MEMO1: variants seen among roughly 807,000 people sequenced by gnomAD.
MEMO1 encodes the protein protein MEMO1.
Under a neutral mutation model 45.2 loss-of-function variants are expected in MEMO1, and 6 were observed. That is an observed-to-expected ratio of 0.13 (90% CI 0.07 to 0.26). The LOEUF is 0.26. Ranked by LOEUF, MEMO1 falls within the 10% of genes least tolerant of loss-of-function variation. MEMO1 has a pLI of 1.00. For missense variants in MEMO1, 184 were observed against 370.5 expected (o/e 0.50, Z 4.13); for synonymous variants, 78 against 124.3 (o/e 0.63, Z 2.48).
chr2:31,943,491 T>A (rs1056839032), intron 2 of MEMO1, 108 bp from the exon 3 acceptor site: 19 of 784,864 alleles, frequency 2.4e-5, no homozygotes, highest in Non-Finnish European at 4.3e-5. Context: ...ACTAGCTTAA[T>A]GCGCAATAGG....
intron 2 of MEMO1, among the ~76,000 whole-genome samples, chr2:31,997,789 G>A (rs1264845251): frequency 6.6e-6 from 1 of 152,156 alleles, no homozygotes; most frequent in Non-Finnish European, 1.5e-5. Context: ...TGTAATTGGG[G>A]GAGGGGAGAT....
intron 2 of MEMO1, among the ~76,000 whole-genome samples, chr2:31,971,883 T>C (rs1182513207): frequency 1.3e-5 from 2 of 152,104 alleles, no homozygotes; most frequent in East Asian, 1.9e-4. Context: ...GGCAGGAAAA[T>C]TGCTTGAGCC....
chr2:31,931,623 T>C (rs947091473), intron 4 of MEMO1, among the ~76,000 whole-genome samples: 4 of 152,126 alleles, frequency 2.6e-5, no homozygotes, highest in African/African-American at 9.7e-5. Flanking sequence ...AACACCATAT[T>C]AAATTCACTG....
chr2:31,954,608 G>A (rs994453663), intron 2 of MEMO1, among the ~76,000 whole-genome samples: 7 of 152,194 alleles, frequency 4.6e-5, no homozygotes, highest in Middle Eastern at 6.8e-3. Flanking sequence ...CGAGGCAGGC[G>A]GATCATCTGA....
chr2:31,982,634 CAA>C (rs1670787866), intron 2 of MEMO1, among the ~76,000 whole-genome samples: 1 of 150,238 alleles, frequency 6.7e-6, no homozygotes, highest in Admixed American at 6.6e-5. Context: ...AGGAACTTCC[CAA>C]AGTTACTTAA....
chr2:31,908,736 A>G (rs1680127799), intron 6 of MEMO1, among the ~76,000 whole-genome samples: 1 of 152,230 alleles, frequency 6.6e-6, no homozygotes. Context: ...TTCACTGAGT[A>G]TTCTGTTCTC....
intron 2 of MEMO1, among the ~76,000 whole-genome samples, chr2:31,975,692 T>C (rs930440195): frequency 1.3e-5 from 2 of 152,160 alleles, no homozygotes; most frequent in Non-Finnish European, 2.9e-5. Flanking sequence ...GATGTCCAAA[T>C]AAGCATTAGT....
At chr2:31,963,772 A>T (rs1179891652) in intron 2 of MEMO1, among the ~76,000 whole-genome samples, 1 of 152,226 alleles carries the variant, frequency 6.6e-6, no homozygotes, top group Admixed American at 6.5e-5. Flanking sequence ...AAAAACAAAA[A>T]GCCTGACTGA....
At chr2:31,899,275 T>C (rs1020804800) in intron 6 of MEMO1, among the ~76,000 whole-genome samples, 1 of 152,014 alleles carries the variant, frequency 6.6e-6, no homozygotes, top group African/African-American at 2.4e-5. Context: ...TGCTACCTGA[T>C]TTCAAACTAT....
At chr2:31,879,321 G>A (rs1338571470) in intron 8 of MEMO1, among the ~76,000 whole-genome samples, 1 of 152,084 alleles carries the variant, frequency 6.6e-6, no homozygotes, top group African/African-American at 2.4e-5. Flanking sequence ...TTCTCTCTAA[G>A]CAGAACTCTA....
chr2:31,872,818 A>G (rs1673984507), intron 8 of MEMO1, among the ~76,000 whole-genome samples: 1 of 152,174 alleles, frequency 6.6e-6, no homozygotes, highest in Admixed American at 6.5e-5. Context: ...ATGCCTCTTT[A>G]TAAGGAAAGA....
At chr2:32,009,106 G>A (rs1674468931) in intron 2 of MEMO1, among the ~76,000 whole-genome samples, 1 of 151,606 alleles carries the variant, frequency 6.6e-6, no homozygotes. Flanking sequence ...CAGAAAACAG[G>A]CATTCTAACA....
chr2:31,931,294 G>A (rs1274518004), intron 4 of MEMO1, among the ~76,000 whole-genome samples: 1 of 152,134 alleles, frequency 6.6e-6, no homozygotes, highest in Non-Finnish European at 1.5e-5. Context: ...TGGCTGCTAT[G>A]AGCTATTTCT....
intron 3 of MEMO1, among the ~76,000 whole-genome samples, chr2:31,935,776 AC>A (rs1209228290): frequency 6.6e-6 from 1 of 152,164 alleles, no homozygotes; most frequent in Non-Finnish European, 1.5e-5. Context: ...CTGCGATTCT[AC>A]ATGTATGTGG....
At chr2:31,962,387 C>T (rs192557570) in intron 2 of MEMO1, among the ~76,000 whole-genome samples, 177 of 151,828 alleles carry the variant, frequency 1.2e-3, no homozygotes, top group African/African-American at 4.2e-3. Flanking sequence ...TGAGACTCTG[C>T]CAAAAAAGAA....
At chr2:31,959,077 C>G (rs923711101) in intron 2 of MEMO1, among the ~76,000 whole-genome samples, 5 of 152,146 alleles carry the variant, frequency 3.3e-5, no homozygotes, top group African/African-American at 1.2e-4. Flanking sequence ...ATAACAAGAT[C>G]AAGGAAAGCC....
chr2:31,871,366 T>C (rs1224592503), intron 8 of MEMO1, among the ~76,000 whole-genome samples: 1 of 152,136 alleles, frequency 6.6e-6, no homozygotes, highest in Non-Finnish European at 1.5e-5. Flanking sequence ...AAAGTAAAAG[T>C]CATCTGGAAA....
intron 6 of MEMO1, among the ~76,000 whole-genome samples, chr2:31,905,284 G>A (rs1303598163): frequency 6.6e-6 from 1 of 151,904 alleles, no homozygotes; most frequent in Admixed American, 6.6e-5. Flanking sequence ...AAAGAACTGG[G>A]GAAAAAAGTA....
At chr2:32,007,620 C>T (rs1674266526) in intron 2 of MEMO1, among the ~76,000 whole-genome samples, 1 of 152,154 alleles carries the variant, frequency 6.6e-6, no homozygotes. Flanking sequence ...TAATTAAACA[C>T]ATTAATTCTA....
Sources: gnomAD v4.1 joint callset for allele counts (sites outside exome capture counted in the v4.1 genomes callset) on GRCh38, gnomAD v4.1.1 for gene constraint, MANE v1.5 for transcripts, NCBI Gene and HGNC (gene_info 2026-07-23, HGNC 2026-07-21) for gene names.